The following RBM20 variants were observed in gnomAD, a reference collection of about 807,000 sequenced individuals.
The protein encoded by RBM20 is RNA-binding protein 20.
Under a neutral mutation model 110.1 loss-of-function variants are expected in RBM20, and 51 were observed. That is an observed-to-expected ratio of 0.46 (90% CI 0.37 to 0.59). The LOEUF is 0.59. Ranked by LOEUF, RBM20 falls within the 20% of genes least tolerant of loss-of-function variation. The pLI is 0.00. For missense variants in RBM20, 1,512 were observed against 1,574.9 expected (o/e 0.96, Z 0.68); for synonymous variants, 589 against 618.2 (o/e 0.95, Z 0.70).
chr10:110,698,003 C>T (rs1161999073), intron 1 of RBM20, among the ~76,000 whole-genome samples: 2 of 151,714 alleles, frequency 1.3e-5, no homozygotes, highest in African/African-American at 4.8e-5. Context: ...CACCTCCCGG[C>T]TTCACGCCAT....
rs1060503416 is a variant in RBM20, at chr10:110,831,173, G to C, written c.3564G>C (p.Arg1188Ser). The C allele has an allele frequency of 6.4e-7, 1 of 1,551,156 alleles. No homozygotes were observed. Among genetic ancestry groups the C allele is most frequent in the Non-Finnish European group, 8.7e-7 (1 of 1,146,574 alleles). ...ACTGCCGCAGCGCTGTCCACTACAG[G>C]AACTTACAGGTAAAAATCCACTCTC... ...MSHCRSAVHY[R>S]NLQKYLSQLA... The change falls in exon 13 of 14, where the codon AGG becomes AGC. Residue 1188 changes from arginine (R) to serine (S), a missense_variant. By Grantham distance (110) the Arg-to-Ser change is moderately radical. Transcript: ENST00000369519.
rs747828788 is a variant in RBM20 at position 110,812,859 on chromosome 10, A to G, written c.2462A>G (p.Lys821Arg). ...AGGGCCCCTGAGGGCGCCAAGGCCA[A>G]GCAGAATGAGAAAAATAAAACCAAG... Reference protein sequence around the residue: ...VTRAPEGAKAKQNEKNKTKRT... With the variant: ...VTRAPEGAKARQNEKNKTKRT... The change falls in exon 9 of 14, where the codon AAG becomes AGG. Residue 821 changes from lysine (K) to arginine (R), a missense_variant. Lys to Arg is a conservative substitution (Grantham distance 26). Coordinates refer to ENST00000369519, the MANE Select transcript of RBM20 (RefSeq NM_001134363.3). The G allele has an allele frequency of 2.0e-6, 3 of 1,492,534 alleles. No homozygotes were observed. 92.5% of individuals were successfully genotyped at this position (1,492,534 alleles called of 1,614,324 possible).
intron 1 of RBM20, among the ~76,000 whole-genome samples, chr10:110,722,014 C>A (rs148144618): frequency 1.0e-3 from 155 of 152,200 alleles, no homozygotes; most frequent in African/African-American, 3.6e-3. Context: ...CTTGTCTCTG[C>A]CCCTGCCTTT....
chr10:110,751,579 T>G (rs1843854092), intron 1 of RBM20, among the ~76,000 whole-genome samples: 1 of 152,204 alleles, frequency 6.6e-6, no homozygotes, highest in Admixed American at 6.5e-5. Flanking sequence ...AATATGTTCT[T>G]GCACCTAAAC....
intron 1 of RBM20, among the ~76,000 whole-genome samples, chr10:110,755,221 C>A (rs2134992506): frequency 6.6e-6 from 1 of 152,176 alleles, no homozygotes; most frequent in South Asian, 2.1e-4. Flanking sequence ...CCTTTGGGAC[C>A]CAGCTTACTG....
At chr10:110,797,428 A>T in intron 5 of RBM20, 80 bp from the exon 6 acceptor site, 1 of 1,331,452 alleles carries the variant, frequency 7.5e-7, no homozygotes. Flanking sequence ...TAGGGGAAAG[A>T]TAGCCATTAA....
chr10:110,709,534 A>G (rs535628521), intron 1 of RBM20, among the ~76,000 whole-genome samples: 1 of 150,954 alleles, frequency 6.6e-6, no homozygotes, highest in East Asian at 2.0e-4. Context: ...CACATCTTAA[A>G]CATGATTTTA....
At position 110,831,132 on chromosome 10, in the gene RBM20, A is replaced by C; in HGVS notation, c.3523A>C (p.Thr1175Pro). ...LCGLFYTSEE[T>P]AKMSHCRSAV... ...TGGGCTGTTCTACACGAGCGAGGAG[A>C]CAGCAAAGATGAGCCACTGCCGCAG... Residue 1175 changes from threonine (T) to proline (P), a missense_variant, in exon 13 of 14, where the codon ACA becomes CCA. This residue lies in a region of RBM20 where 358 missense variants were observed against 384.2 expected (regional missense o/e 0.93). Coordinates refer to ENST00000369519, the MANE Select transcript of RBM20 (RefSeq NM_001134363.3). 1 of 1,551,556 alleles carries C rather than the reference A, an allele frequency of 6.4e-7. No individual in the cohort carries two copies. The highest frequency in any genetic ancestry group is 2.4e-5 in the East Asian group (1 of 40,918).
intron 2 of RBM20, 90 bp from the exon 3 acceptor site, chr10:110,783,276 C>T: frequency 2.0e-6 from 2 of 992,654 alleles, no homozygotes; most frequent in East Asian, 5.4e-5. Flanking sequence ...GCGCTCTGTG[C>T]TCCCTGCCTG....
At position 110,721,915 on chromosome 10, in the gene RBM20, A is replaced by C. The variant is rs184537638; in HGVS notation, c.192-58886A>C. On this transcript the variant is annotated intron_variant, in intron 1 of 13. Coordinates refer to ENST00000369519, the MANE Select transcript of RBM20 (RefSeq NM_001134363.3). ...CATCCAAGACTTTGGGTATTAGAAC[A>C]AGGCATACTGGGGTGTCAGGGGCAG... Among the ~76,000 whole-genome samples the C allele has an allele frequency of 2.9e-3, 440 of 150,624 alleles. 6 individuals are homozygous for C. Among genetic ancestry groups the C allele is most frequent in the African/African-American group, 0.01 (407 of 40,124 alleles).
intron 1 of RBM20, among the ~76,000 whole-genome samples, chr10:110,768,522 T>C (rs532356653): frequency 2.9e-4 from 44 of 151,938 alleles, no homozygotes; most frequent in Non-Finnish European, 5.9e-4. Flanking sequence ...GGAATTAAAC[T>C]GTGCACATTC....
chr10:110,671,736 G>GAC (rs1564811059), intron 1 of RBM20, among the ~76,000 whole-genome samples: 1 of 150,902 alleles, frequency 6.6e-6, no homozygotes, highest in African/African-American at 2.4e-5. Flanking sequence ...CACTGTTTAA[G>GAC]ATATATATAT....
rs114104636 is a variant in RBM20, at chr10:110,659,281, G to A, written c.191+14636G>A. 2.9e-3 allele frequency among the ~76,000 whole-genome samples: 439 copies of A among 152,262 alleles called. 2 individuals carry two copies. The highest frequency in any genetic ancestry group is 9.0e-3 in the African/African-American group (374 of 41,534). ...GGCCATATAAGAAGAATATAAATGC[G>A]GAAAGTCATAAACTTCAGCTCTGCT... On this transcript the variant is annotated intron_variant, in intron 1 of 13. Transcript: ENST00000369519.
intron 1 of RBM20, among the ~76,000 whole-genome samples, chr10:110,653,395 T>C (rs1349116881): frequency 6.6e-6 from 1 of 152,240 alleles, no homozygotes; most frequent in African/African-American, 2.4e-5. Context: ...GCTTTTTCTT[T>C]TCCTGAACTA....
At chr10:110,655,413 AAG>A (rs1862007979) in intron 1 of RBM20, among the ~76,000 whole-genome samples, 1 of 152,114 alleles carries the variant, frequency 6.6e-6, no homozygotes, top group Non-Finnish European at 1.5e-5. Flanking sequence ...CATGTTAAAC[AAG>A]ACCTAAATTT....
At chr10:110,645,652 G>A (rs1028176524) in intron 1 of RBM20, among the ~76,000 whole-genome samples, 6 of 152,200 alleles carry the variant, frequency 3.9e-5, no homozygotes, top group African/African-American at 1.4e-4. Context: ...AACCAGTGAT[G>A]GGTGTAAATG....
chr10:110,741,912 G>A lies in RBM20; in HGVS notation c.192-38889G>A, dbSNP rs535872657. Reference sequence around the variant, plus strand: ...CCCAGTGTGAGGATGATCAGTTTACGTGCCTGCCTCCCCATGGACGTACAC... The same window carrying A: ...CCCAGTGTGAGGATGATCAGTTTACATGCCTGCCTCCCCATGGACGTACAC... On this transcript the variant is annotated intron_variant, in intron 1 of 13. Coordinates refer to ENST00000369519, the MANE Select transcript of RBM20 (RefSeq NM_001134363.3). 3.3e-5 allele frequency among the ~76,000 whole-genome samples: 5 copies of A among 152,070 alleles called. No homozygotes were observed. In the South Asian group the frequency reaches 6.2e-4, roughly 19 times the overall value.
intron 1 of RBM20, among the ~76,000 whole-genome samples, chr10:110,730,065 G>A (rs1251152637): frequency 6.6e-6 from 1 of 152,138 alleles, no homozygotes; most frequent in Non-Finnish European, 1.5e-5. Context: ...TGATCCACCC[G>A]CCTTGACCTC....
At chr10:110,774,085 T>C (rs1010596240) in intron 1 of RBM20, among the ~76,000 whole-genome samples, 2 of 152,212 alleles carry the variant, frequency 1.3e-5, no homozygotes, top group South Asian at 4.1e-4. Flanking sequence ...TCAAGTCCCT[T>C]ATTCACTGGA....
Sources: gnomAD v4.1 joint callset for allele counts (sites outside exome capture counted in the v4.1 genomes callset) on GRCh38, gnomAD v4.1.1 for gene constraint, gnomAD v4.1.1 regional missense constraint, MANE v1.5 for transcripts, NCBI Gene and HGNC (gene_info 2026-07-23, HGNC 2026-07-21) for gene names.